Variants in RGS6 observed in about 807,000 individuals in gnomAD.
The protein encoded by RGS6 is regulator of G protein signaling 6, also known as regulator of G-protein signaling 6.
Under a neutral mutation model 78.5 loss-of-function variants are expected in RGS6, and 30 were observed. The ratio of observed to expected loss-of-function variants is 0.38; its 90% confidence interval spans 0.29 to 0.52. The LOEUF is 0.52. RGS6 is among the 20% of genes least tolerant of loss of function. RGS6 has a pLI of 0.85. For synonymous variants in RGS6, 206 were observed against 206.0 expected, an observed-to-expected ratio of 1.00 and a Z score of 0.00; for missense variants, 495 against 609.7, an observed-to-expected ratio of 0.81 and a Z score of 1.98.
intron 2 of RGS6, among the ~76,000 whole-genome samples, chr14:72,297,430 T>C (rs768880948): frequency 1.7e-5 from 2 of 114,350 alleles, no homozygotes; most frequent in African/African-American, 8.6e-5. Context: ...ATTATTATTA[T>C]TTTTTTTTTA....
chr14:72,331,998 A>G (rs1050937549), intron 2 of RGS6, among the ~76,000 whole-genome samples: 1 of 152,220 alleles, frequency 6.6e-6, no homozygotes, highest in Admixed American at 6.5e-5. Context: ...GTTAGCCCGC[A>G]TTAGACAGGG....
At chr14:72,317,947 A>G (rs1344375985) in intron 2 of RGS6, among the ~76,000 whole-genome samples, 2 of 152,210 alleles carry the variant, frequency 1.3e-5, no homozygotes, top group Non-Finnish European at 2.9e-5. Flanking sequence ...TTTATTTGAC[A>G]AAAGACAAAA....
chr14:72,411,068 A>G (rs2093374166), intron 3 of RGS6, among the ~76,000 whole-genome samples: 1 of 152,164 alleles, frequency 6.6e-6, no homozygotes, highest in African/African-American at 2.4e-5. Context: ...TTTTGGTTCC[A>G]TATGAACTTT....
chr14:71,953,099 A>G (rs2092478325), intron 1 of RGS6, among the ~76,000 whole-genome samples: 1 of 152,302 alleles, frequency 6.6e-6, no homozygotes, highest in African/African-American at 2.4e-5. Flanking sequence ...ATAATCTTGG[A>G]ACCCATACTT....
the RGS6 span, among the ~76,000 whole-genome samples, chr14:72,618,373 C>G: frequency 6.6e-6 from 1 of 152,182 alleles, no homozygotes; most frequent in Non-Finnish European, 1.5e-5. Flanking sequence ...GATTGGGCAG[C>G]CTTCGCTCCC....
chr14:72,151,624 G>T (rs989888570), intron 2 of RGS6, among the ~76,000 whole-genome samples: 2 of 152,152 alleles, frequency 1.3e-5, no homozygotes, highest in African/African-American at 4.8e-5. Flanking sequence ...TACAGTTGAC[G>T]GGATGGCATC....
At chr14:72,056,353 A>G (rs974803310) in intron 2 of RGS6, among the ~76,000 whole-genome samples, 1 of 152,154 alleles carries the variant, frequency 6.6e-6, no homozygotes, top group Admixed American at 6.5e-5. Context: ...TATCTTCTCT[A>G]TACTTACATT....
At chr14:72,468,605 C>A (rs2095988974) in intron 7 of RGS6, among the ~76,000 whole-genome samples, 1 of 152,062 alleles carries the variant, frequency 6.6e-6, no homozygotes, top group South Asian at 2.1e-4. Flanking sequence ...ACATTTTTTT[C>A]TTTACAAAAC....
At chr14:72,124,112 AG>A (rs2096126705) in intron 2 of RGS6, among the ~76,000 whole-genome samples, 1 of 152,236 alleles carries the variant, frequency 6.6e-6, no homozygotes, top group African/African-American at 2.4e-5. Flanking sequence ...GTCCTGCAGC[AG>A]AGGCACAGAA....
intron 2 of RGS6, among the ~76,000 whole-genome samples, chr14:72,294,733 C>T (rs1324802033): frequency 4.6e-5 from 7 of 151,852 alleles, no homozygotes; most frequent in Non-Finnish European, 1.0e-4. Flanking sequence ...CTATCACACA[C>T]TGTTAAAGAA....
chr14:72,459,498 G>A lies in RGS6; in HGVS notation c.343-134G>A, dbSNP rs1349688085. On this transcript the variant is annotated intron_variant, in intron 5 of 17. Transcript: ENST00000553525. Reference sequence around the variant, plus strand: ...TCACCTTAGCTGAATTAGAGAAGAGGAGAGAATTGTGGGGTAGCATCAGCA... The same window carrying A: ...TCACCTTAGCTGAATTAGAGAAGAGAAGAGAATTGTGGGGTAGCATCAGCA... 6.5e-6 allele frequency: 5 copies of A among 766,198 alleles called. No individual in the cohort carries two copies. The African/African-American group carries it at 6.9e-5, about 11-fold the overall frequency. 47.5% of individuals were successfully genotyped at this position (766,198 alleles called of 1,614,324 possible). A position where few individuals can be genotyped will look rare whatever the true frequency, so the allele number is the denominator to read the frequency against.
At chr14:72,174,711 G>C (rs866969786) in intron 2 of RGS6, among the ~76,000 whole-genome samples, 52 of 152,100 alleles carry the variant, frequency 3.4e-4, no homozygotes, top group African/African-American at 1.2e-3. Flanking sequence ...ACTACCCACA[G>C]ATTGGAAGGG....
At chr14:72,618,249 G>C in the RGS6 span, among the ~76,000 whole-genome samples, 9 of 152,138 alleles carry the variant, frequency 5.9e-5, no homozygotes, top group African/African-American at 2.2e-4. Context: ...AGACAATAGC[G>C]AACAAACACT....
intron 2 of RGS6, among the ~76,000 whole-genome samples, chr14:72,143,814 C>T (rs2153618248): frequency 6.6e-6 from 1 of 152,244 alleles, no homozygotes; most frequent in South Asian, 2.1e-4. Context: ...AATTTTCTCT[C>T]AGCAATGTCT....
At chr14:72,226,770 T>G (rs1196033504) in intron 2 of RGS6, among the ~76,000 whole-genome samples, 1 of 152,206 alleles carries the variant, frequency 6.6e-6, no homozygotes, top group Non-Finnish European at 1.5e-5. Flanking sequence ...TGGCGCAATC[T>G]TGGCTCACTG....
chr14:72,624,259 A>G, the RGS6 span, among the ~76,000 whole-genome samples: 10 of 151,906 alleles, frequency 6.6e-5, no homozygotes, highest in African/African-American at 1.9e-4. Flanking sequence ...AAATCAGAAA[A>G]TTACCATTGG....
chr14:72,223,090 C>G (rs569218661), intron 2 of RGS6, among the ~76,000 whole-genome samples: 1 of 152,222 alleles, frequency 6.6e-6, no homozygotes. Context: ...TCTGCAAAGA[C>G]TTTCCCTTCA....
In RGS6 at chr14:72,512,959, G is replaced by T. The variant is rs990072791; in HGVS notation, c.1091+2680G>T. On this transcript the variant is annotated intron_variant, in intron 14 of 17. Coordinates refer to ENST00000553525, the MANE Select transcript of RGS6 (RefSeq NM_001204424.2). ...TGTGGCTCATGCCATGGAGGCCCCT[G>T]GGAGTTGTGCAATATGGCACAACTT... is the stretch of plus-strand genomic sequence containing the variant. Among the ~76,000 whole-genome samples the T allele has an allele frequency of 2.0e-5, 3 of 152,202 alleles. No homozygotes were observed. In the South Asian group the frequency reaches 6.2e-4, roughly 31 times the overall value.
At chr14:71,916,380 T>G in the RGS6 span, among the ~76,000 whole-genome samples, 1 of 152,198 alleles carries the variant, frequency 6.6e-6, no homozygotes, top group African/African-American at 2.4e-5. Context: ...AAATGGCTTA[T>G]GCTTTGTGTT....
Sources: gnomAD v4.1 joint callset for allele counts (sites outside exome capture counted in the v4.1 genomes callset) on GRCh38, gnomAD v4.1.1 for gene constraint, MANE v1.5 for transcripts, NCBI Gene and HGNC (gene_info 2026-07-23, HGNC 2026-07-21) for gene names.